The following SETBP1 variants were observed in gnomAD, a reference collection of about 807,000 sequenced individuals.
SETBP1 encodes the protein SET-binding protein.
Under a neutral mutation model 101.0 loss-of-function variants are expected in SETBP1, and 9 were observed. That is an observed-to-expected ratio of 0.09 (90% CI 0.05 to 0.16). The LOEUF is 0.16. SETBP1 is among the 10% of genes least tolerant of loss of function. The pLI, the probability that SETBP1 is intolerant of heterozygous loss-of-function variation, is 1.00. For missense variants in SETBP1, 1,858 were observed against 2,033.8 expected, an observed-to-expected ratio of 0.91 and a Z score of 1.66; for synonymous variants, 818 against 788.5, an observed-to-expected ratio of 1.04 and a Z score of -0.63.
At chr18:44,870,561 T>C (rs1038990195) in intron 3 of SETBP1, 4 of 152,118 alleles carry the variant, frequency 2.6e-5, no homozygotes, top group African/African-American at 9.7e-5. Context: ...CTGAAAACCT[T>C]TAATTAATTA....
At chr18:44,919,048 G>A (rs1421938068) in intron 3 of SETBP1, among the ~76,000 whole-genome samples, 5 of 152,188 alleles carry the variant, frequency 3.3e-5, no homozygotes, top group African/African-American at 1.2e-4. Flanking sequence ...TGTGGTTAAG[G>A]ATGCCAGTTC....
In SETBP1 at chr18:44,950,825, T is replaced by C. The variant is rs1410361300; in HGVS notation, c.1485T>C (p.Ser495=). The C allele has an allele frequency of 6.2e-7, 1 of 1,614,028 alleles. No homozygotes were observed. Among genetic ancestry groups the C allele is most frequent in the African/African-American group, 1.3e-5 (1 of 74,904 alleles). Residue 495 remains serine, a synonymous_variant, in exon 4 of 6, where the codon TCT becomes TCC. Transcript: ENST00000649279. ...NAEKVIPGGV[S]KPRKPPMVMT... ...AGAAAGTTATCCCAGGAGGTGTGTC[T>C]AAGCCGCGGAAGCCACCCATGGTCA... is the stretch of plus-strand genomic sequence containing the variant.
rs1442411644 is a variant in SETBP1, at chr18:45,065,922, C to T, written c.*2224C>T. The T allele has an allele frequency of 1.3e-5, 2 of 152,180 alleles. No individual in the cohort carries two copies. The allele number at this position is 152,180 out of a possible 1,614,324, so 9.4% of individuals were successfully genotyped here. A position where few individuals can be genotyped will look rare whatever the true frequency, so the allele number is the denominator to read the frequency against. ...ATTAGTCCCTCTCACCCCACCATTG[C>T]TATAAAACAGCAACGTTTTCATTCC... On this transcript the variant is annotated 3_prime_UTR_variant, in exon 6 of 6. Transcript: ENST00000649279.
rs2071326613 is a variant in SETBP1, at chr18:44,950,763, T to A, written c.1423T>A (p.Ser475Thr). 6.2e-7 allele frequency: 1 copy of A among 1,612,830 alleles called. No individual in the cohort carries two copies. The highest frequency in any genetic ancestry group is 2.2e-5 in the East Asian group (1 of 44,800). ...PKLSKMIENE[S>T]PSVGLETGGN... ...GTTGAGTAAAATGATAGAGAATGAGTCCCCCTCAGTTGGCCTTGAAACTGG... is the reference window on the plus strand; with the variant it reads ...GTTGAGTAAAATGATAGAGAATGAGACCCCCTCAGTTGGCCTTGAAACTGG... The change falls in exon 4 of 6, where the codon TCC becomes ACC. Residue 475 changes from serine to threonine, a missense_variant. By Grantham distance (58) the Ser-to-Thr change is moderately conservative. This residue lies in a region of SETBP1 where 581 missense variants were observed against 535.1 expected (regional missense o/e 1.09). Coordinates refer to ENST00000649279, the MANE Select transcript of SETBP1 (RefSeq NM_015559.3).
intron 4 of SETBP1, among the ~76,000 whole-genome samples, chr18:44,981,884 A>G (rs539729493): frequency 6.6e-6 from 1 of 152,358 alleles, no homozygotes; most frequent in South Asian, 2.1e-4. Context: ...TCTAATTAGC[A>G]GTAAAAACAA....
chr18:44,882,884 T>G (rs973493977), intron 3 of SETBP1, among the ~76,000 whole-genome samples: 9 of 152,206 alleles, frequency 5.9e-5, no homozygotes, highest in African/African-American at 2.2e-4. Flanking sequence ...GCATTTGGTT[T>G]GACACCAGTG....
intron 2 of SETBP1, among the ~76,000 whole-genome samples, chr18:44,854,868 T>G (rs1484450107): frequency 6.6e-6 from 1 of 152,216 alleles, no homozygotes; most frequent in African/African-American, 2.4e-5. Context: ...TTACGTGATG[T>G]GGCCTCACTC....
At chr18:44,885,235 A>G (rs1453002065) in intron 3 of SETBP1, among the ~76,000 whole-genome samples, 1 of 152,172 alleles carries the variant, frequency 6.6e-6, no homozygotes, top group East Asian at 1.9e-4. Flanking sequence ...CAACATTTTG[A>G]AAATCATATT....
intron 3 of SETBP1, among the ~76,000 whole-genome samples, chr18:44,942,548 A>G (rs952228314): frequency 1.2e-4 from 18 of 152,118 alleles, no homozygotes; most frequent in African/African-American, 4.3e-4. Flanking sequence ...TTTCTTCCCT[A>G]TGCCCAGATT....
chr18:44,704,909 G>A (rs774823978), intron 2 of SETBP1, among the ~76,000 whole-genome samples: 7 of 152,150 alleles, frequency 4.6e-5, no homozygotes, highest in Non-Finnish European at 8.8e-5. Context: ...GACATGGAGT[G>A]GCCTCTGGGA....
At chr18:45,009,264 G>A (rs2072789451) in intron 4 of SETBP1, among the ~76,000 whole-genome samples, 1 of 151,644 alleles carries the variant, frequency 6.6e-6, no homozygotes, top group Non-Finnish European at 1.5e-5. Context: ...TGGCTGCCAG[G>A]TTCCCTGTGG....
rs546492410 is a variant in SETBP1, at chr18:44,703,769, C to T, written c.486+1937C>T. Reference sequence around the variant, plus strand: ...TTGCAGTGATTTCTGGATACTCTGTCGTGAAACCAAAGGTTTAATCTCCAC... The same window carrying T: ...TTGCAGTGATTTCTGGATACTCTGTTGTGAAACCAAAGGTTTAATCTCCAC... On this transcript the variant is annotated intron_variant, in intron 2 of 5. Transcript: ENST00000649279. Among the ~76,000 whole-genome samples, 8 of 152,256 alleles carry T rather than the reference C, an allele frequency of 5.3e-5. No homozygotes were observed. In the South Asian group the frequency reaches 1.5e-3, roughly 28 times the overall value.
At chr18:45,046,160 A>G (rs1599490646) in intron 5 of SETBP1, among the ~76,000 whole-genome samples, 1 of 152,382 alleles carries the variant, frequency 6.6e-6, no homozygotes, top group East Asian at 1.9e-4. Flanking sequence ...CCCTGTGGCC[A>G]GATCTTATTC....
At chr18:44,784,498 G>A (rs1424745008) in intron 2 of SETBP1, among the ~76,000 whole-genome samples, 1 of 152,174 alleles carries the variant, frequency 6.6e-6, no homozygotes, top group Non-Finnish European at 1.5e-5. Flanking sequence ...GAGGGCCTTT[G>A]CAGATTCTTG....
intron 3 of SETBP1, among the ~76,000 whole-genome samples, chr18:44,929,630 C>A (rs1204155295): frequency 6.6e-6 from 1 of 152,124 alleles, no homozygotes; most frequent in Non-Finnish European, 1.5e-5. Context: ...GTTTGTAGTT[C>A]TCCTTGAAGA....
In SETBP1 at chr18:44,749,857, T is replaced by C. The variant is rs568702725; in HGVS notation, c.486+48025T>C. ...CATATGTGTTCATTCACTTGTTGTT[T>C]TCTGACTTCTCTGATATGCCAATGC... On this transcript the variant is annotated intron_variant, in intron 2 of 5. Coordinates refer to ENST00000649279, the MANE Select transcript of SETBP1 (RefSeq NM_015559.3). Among the ~76,000 whole-genome samples, 248 of 152,372 alleles carry C rather than the reference T, an allele frequency of 1.6e-3. 5 individuals are homozygous for C. The highest frequency in any genetic ancestry group is 0.013 in the South Asian group (65 of 4,830).
intron 4 of SETBP1, among the ~76,000 whole-genome samples, chr18:44,962,707 T>C (rs1287993426): frequency 1.3e-5 from 2 of 152,164 alleles, no homozygotes; most frequent in Non-Finnish European, 2.9e-5. Context: ...ATCTGTCCTG[T>C]TACAGAGAGA....
chr18:44,799,243 G>C (rs2071546731), intron 2 of SETBP1, among the ~76,000 whole-genome samples: 1 of 152,104 alleles, frequency 6.6e-6, no homozygotes, highest in South Asian at 2.1e-4. Flanking sequence ...GAGAACCTTT[G>C]TGTAAGAGTG....
intron 2 of SETBP1, among the ~76,000 whole-genome samples, chr18:44,763,327 C>T (rs1450082499): frequency 6.6e-6 from 1 of 152,144 alleles, no homozygotes; most frequent in East Asian, 1.9e-4. Context: ...TGGTACAAAC[C>T]AATGTGGCAT....
Sources: allele counts gnomAD v4.1 joint callset (sites outside exome capture counted in the v4.1 genomes callset), GRCh38; gene constraint gnomAD v4.1.1; regional missense constraint gnomAD v4.1.1; transcripts MANE v1.5; gene names NCBI Gene and HGNC (gene_info 2026-07-23, HGNC 2026-07-21).